Variants in POU2F1 observed in about 807,000 individuals in gnomAD.
POU2F1 encodes the protein POU domain, class 2, transcription factor 1.
In POU2F1, 16 loss-of-function variants were observed where a neutral mutation model predicts 84.9. The ratio of observed to expected loss-of-function variants is 0.19; its 90% CI spans 0.13 to 0.29. The LOEUF (loss-of-function observed/expected upper bound fraction) is 0.29. Ranked by LOEUF, POU2F1 falls within the 10% of genes least tolerant of loss-of-function variation. The pLI is 1.00. For synonymous variants in POU2F1, 368 were observed against 368.3 expected, an observed-to-expected ratio of 1.00 and a Z score of 0.01; for missense variants, 738 against 942.6, an observed-to-expected ratio of 0.78 and a Z score of 2.84.
chr1:167,388,440 G>A (rs1361899043), intron 8 of POU2F1, among the ~76,000 whole-genome samples: 16 of 152,080 alleles, frequency 1.1e-4, no homozygotes, highest in Admixed American at 1.0e-3. Flanking sequence ...TATCTCAAAA[G>A]AACTAATTAC....
At chr1:167,395,046 G>A (rs1648705271) in intron 9 of POU2F1, among the ~76,000 whole-genome samples, 1 of 152,140 alleles carries the variant, frequency 6.6e-6, no homozygotes, top group Non-Finnish European at 1.5e-5. Context: ...AAATGATGTT[G>A]CCTTTCTGCC....
intron 15 of POU2F1, chr1:167,414,709 C>CT: frequency 1.0e-6 from 1 of 985,108 alleles, no homozygotes; most frequent in Non-Finnish European, 1.2e-6. Flanking sequence ...ATCATTATGT[C>CT]TAATTTCCTG....
chr1:167,259,697 A>G (rs150959116), intron 1 of POU2F1, among the ~76,000 whole-genome samples: 5 of 152,258 alleles, frequency 3.3e-5, no homozygotes, highest in Non-Finnish European at 7.4e-5. Context: ...ATACTGCGAG[A>G]GTGACTATAT....
intron 1 of POU2F1, among the ~76,000 whole-genome samples, chr1:167,277,699 A>T (rs182801092): frequency 2.6e-5 from 4 of 152,154 alleles, no homozygotes; most frequent in Non-Finnish European, 4.4e-5. Context: ...AATTATATCT[A>T]TCCCAATGGC....
chr1:167,265,531 G>T (rs1394284122), intron 1 of POU2F1, among the ~76,000 whole-genome samples: 3 of 152,146 alleles, frequency 2.0e-5, no homozygotes, highest in Admixed American at 2.0e-4. Context: ...GAAGGTTAAA[G>T]AAGATTTGAT....
chr1:167,252,306 A>G (rs929465839), intron 1 of POU2F1, among the ~76,000 whole-genome samples: 1 of 152,100 alleles, frequency 6.6e-6, no homozygotes, highest in Non-Finnish European at 1.5e-5. Context: ...AGGCCATGCT[A>G]TTTGCTATTA....
At chr1:167,393,355 T>C (rs1648562459) in intron 9 of POU2F1, among the ~76,000 whole-genome samples, 1 of 152,202 alleles carries the variant, frequency 6.6e-6, no homozygotes, top group Non-Finnish European at 1.5e-5. Flanking sequence ...AAATAAAACA[T>C]ATTAATAAAT....
At chr1:167,254,574 T>A (rs1157654234) in intron 1 of POU2F1, among the ~76,000 whole-genome samples, 1 of 152,246 alleles carries the variant, frequency 6.6e-6, no homozygotes. Context: ...TTTTACTCAT[T>A]GTTAACAATC....
In POU2F1 at chr1:167,271,923, T is replaced by C. The variant is rs79260396; in HGVS notation, c.61+50965T>C. On this transcript the variant is annotated intron_variant, in intron 1 of 15. Coordinates refer to ENST00000367866, the MANE Select transcript of POU2F1 (RefSeq NM_002697.4). ...ATAATATTTCATGACATTATAATTATATGAAATTGAAACATCAATATTCAT... is the reference window on the plus strand; with the variant it reads ...ATAATATTTCATGACATTATAATTACATGAAATTGAAACATCAATATTCAT... Among the ~76,000 whole-genome samples the C allele has an allele frequency of 3.8e-3, 578 of 152,356 alleles. 3 individuals carry two copies. Among genetic ancestry groups the C allele is most frequent in the African/African-American group, 0.013 (556 of 41,578 alleles).
At position 167,394,145 on chromosome 1, in the gene POU2F1, G is replaced by T. The variant is rs1162954165; in HGVS notation, c.988-2141G>T. Among the ~76,000 whole-genome samples, 3 of 152,040 alleles carry T rather than the reference G, an allele frequency of 2.0e-5. No homozygotes were observed. The South Asian group carries it at 6.2e-4, about 32-fold the overall frequency. ...AGCAGTTCTCGTGCCTCAGCCTTCT[G>T]AGTAGCTGGGATTACAGGGGTGTGC... On this transcript the variant is annotated intron_variant, in intron 9 of 15. Coordinates refer to ENST00000367866, the MANE Select transcript of POU2F1 (RefSeq NM_002697.4).
At chr1:167,309,613 C>T (rs1371800737) in intron 1 of POU2F1, among the ~76,000 whole-genome samples, 3 of 152,116 alleles carry the variant, frequency 2.0e-5, no homozygotes, top group Non-Finnish European at 2.9e-5. Context: ...GTAAATTGGA[C>T]AAATTTGCTT....
chr1:167,396,483 T>C, intron 10 of POU2F1, 56 bp downstream of exon 10: 1 of 1,552,352 alleles, frequency 6.4e-7, no homozygotes, highest in East Asian at 2.3e-5. Flanking sequence ...ACATGGGGAT[T>C]GTTATATAAA....
chr1:167,385,154 AAAACT>A (rs1647874958), intron 8 of POU2F1, among the ~76,000 whole-genome samples: 1 of 152,166 alleles, frequency 6.6e-6, no homozygotes, highest in Non-Finnish European at 1.5e-5. Context: ...TCTATAGTTG[AAAACT>A]ATAGAACATT....
chr1:167,264,955 C>G (rs1012612186), intron 1 of POU2F1, among the ~76,000 whole-genome samples: 1 of 152,108 alleles, frequency 6.6e-6, no homozygotes, highest in Non-Finnish European at 1.5e-5. Flanking sequence ...TCACAGATAC[C>G]CATGTAGTTC....
intron 1 of POU2F1, among the ~76,000 whole-genome samples, chr1:167,267,830 A>T (rs768764709): frequency 6.6e-6 from 1 of 151,446 alleles, no homozygotes; most frequent in Non-Finnish European, 1.5e-5. Flanking sequence ...TTTAGTAGAG[A>T]TGGGTTTTAC....
At chr1:167,274,276 C>G (rs1652570535) in intron 1 of POU2F1, among the ~76,000 whole-genome samples, 1 of 152,162 alleles carries the variant, frequency 6.6e-6, no homozygotes, top group Non-Finnish European at 1.5e-5. Flanking sequence ...TTGCTTCTCA[C>G]CCTGTTGCTT....
chr1:167,259,808 A>T (rs1023926509), intron 1 of POU2F1, among the ~76,000 whole-genome samples: 1 of 152,164 alleles, frequency 6.6e-6, no homozygotes, highest in Non-Finnish European at 1.5e-5. Context: ...GGCATCTCAT[A>T]AAGGGTATAA....
Position 167,420,044 on chromosome 1 carries a change from A to T in POU2F1, c.*4234A>T, listed in dbSNP as rs916477217. 7.9e-5 allele frequency: 12 copies of T among 152,198 alleles called. No homozygotes were observed. Among genetic ancestry groups the T allele is most frequent in the Non-Finnish European group, 1.8e-4 (12 of 68,042 alleles). 9.4% of individuals were successfully genotyped at this position (152,198 alleles called of 1,614,324 possible). On this transcript the variant is annotated 3_prime_UTR_variant, in exon 16 of 16. Transcript: ENST00000367866. ...AGATAAGGGAAACCTTGTCTGTATT[A>T]TCCAGAAGCACAGATATTTGCTTGA...
chr1:167,384,944 A>G (rs1647850297), intron 8 of POU2F1, among the ~76,000 whole-genome samples: 2 of 152,164 alleles, frequency 1.3e-5, no homozygotes, highest in Non-Finnish European at 2.9e-5. Flanking sequence ...ATGATTGTCT[A>G]TGTAGAAAAT....
Sources: gnomAD v4.1 joint callset for allele counts (sites outside exome capture counted in the v4.1 genomes callset) on GRCh38, gnomAD v4.1.1 for gene constraint, MANE v1.5 for transcripts, NCBI Gene and HGNC (gene_info 2026-07-23, HGNC 2026-07-21) for gene names.